Variants in ARHGAP10 observed in about 807,000 individuals in gnomAD.
ARHGAP10 encodes Rho GTPase activating protein 10, also known as rho GTPase-activating protein 10.
In ARHGAP10, 87 loss-of-function variants were observed where a neutral mutation model predicts 108.6. The ratio of observed to expected loss-of-function variants is 0.80; its 90% CI spans 0.67 to 0.96. The LOEUF (loss-of-function observed/expected upper bound fraction) is 0.96. Ranked by LOEUF, ARHGAP10 falls within the 40% of genes least tolerant of loss-of-function variation. The probability of loss-of-function intolerance (pLI) is 0.00; values close to 1 mark genes in which losing one functional copy is unlikely to be tolerated. For missense variants in ARHGAP10, 939 were observed against 954.5 expected, an observed-to-expected ratio of 0.98 and a Z score of 0.21; for synonymous variants, 347 against 341.1, an observed-to-expected ratio of 1.02 and a Z score of -0.19.
At chr4:148,071,942 G>A in intron 22 of ARHGAP10, 51 bp from the exon 23 acceptor site, 1 of 1,518,446 alleles carries the variant, frequency 6.6e-7, no homozygotes, top group Non-Finnish European at 9.1e-7. Flanking sequence ...ACACCCAGGA[G>A]GCAAGTACTT....
intron 14 of ARHGAP10, among the ~76,000 whole-genome samples, chr4:147,945,059 T>A (rs1366456155): frequency 6.6e-6 from 1 of 152,216 alleles, no homozygotes; most frequent in African/African-American, 2.4e-5. Flanking sequence ...TGCAACTCGC[T>A]TGTGGTGGTA....
chr4:147,817,670 A>G lies in ARHGAP10; in HGVS notation c.155-5057A>G, dbSNP rs1448254277. ...CTCTCCTATTTGCCTGTGGATCAAG[A>G]CACAAAAATTCAAGTCTGGAAGACT... is the stretch of plus-strand genomic sequence containing the variant. On this transcript the variant is annotated intron_variant, in intron 1 of 22. Coordinates refer to ENST00000336498, the MANE Select transcript of ARHGAP10 (RefSeq NM_024605.4). 3.3e-5 allele frequency among the ~76,000 whole-genome samples: 5 copies of G among 152,202 alleles called. 1 individual carries two copies. The East Asian group carries it at 9.6e-4, about 29-fold the overall frequency.
chr4:147,746,353 T>G (rs1373046179), intron 1 of ARHGAP10, among the ~76,000 whole-genome samples: 3 of 148,848 alleles, frequency 2.0e-5, no homozygotes, highest in Non-Finnish European at 3.0e-5. Flanking sequence ...CCGCCCGCCT[T>G]GGCCTCCCAA....
intron 14 of ARHGAP10, among the ~76,000 whole-genome samples, chr4:147,942,644 C>T (rs1738202718): frequency 6.6e-6 from 1 of 152,050 alleles, no homozygotes; most frequent in East Asian, 1.9e-4. Flanking sequence ...CCCTTCTTTC[C>T]TTCTCCCCTA....
intron 16 of ARHGAP10, among the ~76,000 whole-genome samples, chr4:147,960,255 A>G (rs1647314652): frequency 1.3e-5 from 2 of 152,070 alleles, no homozygotes; most frequent in African/African-American, 4.8e-5. Context: ...ATGATATAAT[A>G]TGATTTGGTT....
rs1397333805 is a variant in ARHGAP10 at position 147,732,266 on chromosome 4, C to T, written c.-36C>T. 5.9e-6 allele frequency: 9 copies of T among 1,531,486 alleles called. No homozygotes were observed. Among genetic ancestry groups the T allele is most frequent in the African/African-American group, 1.4e-5 (1 of 70,564 alleles). 94.9% of individuals were successfully genotyped at this position (1,531,486 alleles called of 1,614,324 possible). ...TCGGAGCTCGGCTCGGGCAGGAGCGCGCGGCCGTGCGCACCGCGCAGCGAC... is the reference window on the plus strand; with the variant it reads ...TCGGAGCTCGGCTCGGGCAGGAGCGTGCGGCCGTGCGCACCGCGCAGCGAC... On this transcript the variant is annotated 5_prime_UTR_variant, in exon 1 of 23. Transcript: ENST00000336498.
chr4:147,879,364 A>G (rs369753330), intron 9 of ARHGAP10, 26 bp downstream of exon 9: 2 of 1,591,416 alleles, frequency 1.3e-6, no homozygotes, highest in Non-Finnish European at 1.7e-6. Flanking sequence ...AACATAGAAT[A>G]GATTATAATC....
chr4:147,763,601 CGCCTG>C (rs564679966), intron 1 of ARHGAP10, among the ~76,000 whole-genome samples: 5 of 152,104 alleles, frequency 3.3e-5, no homozygotes, highest in Admixed American at 6.5e-5. Context: ...TGAGCCACTG[CGCCTG>C]GCCTGGCCTG....
chr4:148,066,351 A>C (rs1729874983), intron 22 of ARHGAP10, among the ~76,000 whole-genome samples: 1 of 152,236 alleles, frequency 6.6e-6, no homozygotes, highest in African/African-American at 2.4e-5. Context: ...GATTTAGACC[A>C]ATGAGAATCA....
At chr4:147,783,722 CACATT>C (rs1730667557) in intron 1 of ARHGAP10, among the ~76,000 whole-genome samples, 1 of 144,664 alleles carries the variant, frequency 6.9e-6, no homozygotes, top group African/African-American at 2.6e-5. Flanking sequence ...ATTTATAGAA[CACATT>C]AAATTATGTA....
intron 7 of ARHGAP10, among the ~76,000 whole-genome samples, chr4:147,871,430 A>C (rs1411336432): frequency 6.6e-6 from 1 of 152,206 alleles, no homozygotes; most frequent in Non-Finnish European, 1.5e-5. Flanking sequence ...TTTAGTTTCT[A>C]TAATCAGAAA....
intron 18 of ARHGAP10, among the ~76,000 whole-genome samples, chr4:148,004,043 G>T (rs1487318775): frequency 2.2e-5 from 3 of 138,364 alleles, no homozygotes; most frequent in African/African-American, 9.1e-5. Flanking sequence ...CTTTCTGTGA[G>T]GGTTTGGCAG....
chr4:147,931,522 A>G lies in ARHGAP10; in HGVS notation c.1229-8303A>G, dbSNP rs943073422. Among the ~76,000 whole-genome samples, 7 of 152,310 alleles carry G rather than the reference A, an allele frequency of 4.6e-5. No homozygotes were observed. In the East Asian group the frequency reaches 1.3e-3, roughly 29 times the overall value. On this transcript the variant is annotated intron_variant, in intron 13 of 22. Transcript: ENST00000336498. ...ATATCTATAGTTCTATATCAAATTC[A>G]AGTCAGATCAACCTAGCTATACCTA...
Position 147,954,956 on chromosome 4 carries a change from T to C in ARHGAP10, c.1392-360T>C, listed in dbSNP as rs573534822. ...ATATCTTAGAGATGAAGTTTCAAAATTGTTTGCTTACATTTGGTTAGATGG... is the reference window on the plus strand; with the variant it reads ...ATATCTTAGAGATGAAGTTTCAAAACTGTTTGCTTACATTTGGTTAGATGG... On this transcript the variant is annotated intron_variant, in intron 15 of 22. Coordinates refer to ENST00000336498, the MANE Select transcript of ARHGAP10 (RefSeq NM_024605.4). 3.9e-5 allele frequency among the ~76,000 whole-genome samples: 6 copies of C among 152,222 alleles called. No individual in the cohort carries two copies. The East Asian group carries it at 1.2e-3, about 29-fold the overall frequency.
intron 19 of ARHGAP10, among the ~76,000 whole-genome samples, chr4:148,043,012 G>A (rs1340996951): frequency 1.3e-5 from 2 of 152,144 alleles, no homozygotes; most frequent in African/African-American, 2.4e-5. Context: ...ACTGCTTTGT[G>A]TTCTCTAAGG....
intron 1 of ARHGAP10, among the ~76,000 whole-genome samples, chr4:147,803,217 C>A (rs1249059275): frequency 6.6e-6 from 1 of 152,246 alleles, no homozygotes; most frequent in Middle Eastern, 3.4e-3. Context: ...CCGTGTTGGC[C>A]AGGCTGGTCT....
intron 15 of ARHGAP10, 140 bp downstream of exon 15, chr4:147,946,844 G>C (rs894837831): frequency 1.8e-6 from 1 of 554,636 alleles, no homozygotes; most frequent in South Asian, 5.3e-5. Context: ...GTGTCTCAGT[G>C]TCCCAGAAAG....
chr4:147,745,890 G>T (rs1578993557), intron 1 of ARHGAP10, among the ~76,000 whole-genome samples: 1 of 148,598 alleles, frequency 6.7e-6, no homozygotes, highest in Non-Finnish European at 1.5e-5. Flanking sequence ...AGGTTCAAGC[G>T]ATTCTCCTGC....
At chr4:147,935,453 A>T (rs1397529619) in intron 13 of ARHGAP10, among the ~76,000 whole-genome samples, 3 of 152,256 alleles carry the variant, frequency 2.0e-5, no homozygotes, top group African/African-American at 7.2e-5. Flanking sequence ...GGCAGACATT[A>T]GTCTGAAGTT....
Sources: allele counts gnomAD v4.1 joint callset (sites outside exome capture counted in the v4.1 genomes callset), GRCh38; gene constraint gnomAD v4.1.1; transcripts MANE v1.5; gene names NCBI Gene and HGNC (gene_info 2026-07-23, HGNC 2026-07-21).